Variants in GNB4 observed in about 807,000 individuals in gnomAD.
The protein encoded by GNB4 is G protein subunit beta 4.
Under a neutral mutation model 45.2 loss-of-function variants are expected in GNB4, and 28 were observed. The observed-to-expected ratio is 0.62, with a 90% CI of 0.46 to 0.85. GNB4 has a LOEUF of 0.85. GNB4 is among the 40% of genes least tolerant of loss of function. The probability of loss-of-function intolerance (pLI) is 0.00; values close to 1 mark genes in which losing one functional copy is unlikely to be tolerated. For synonymous variants in GNB4, 132 were observed against 143.7 expected (o/e 0.92, Z 0.58); for missense variants, 321 against 425.4 (o/e 0.75, Z 2.16).
chr3:179,429,830 C>A (rs1307102376), intron 1 of GNB4, among the ~76,000 whole-genome samples: 1 of 152,194 alleles, frequency 6.6e-6, no homozygotes, highest in East Asian at 1.9e-4. Context: ...GGCAACCCTG[C>A]ACAGCTTTGT....
intron 1 of GNB4, among the ~76,000 whole-genome samples, chr3:179,431,329 G>A (rs1403725855): frequency 2.6e-5 from 4 of 152,044 alleles, no homozygotes; most frequent in Non-Finnish European, 2.9e-5. Flanking sequence ...GGCCGAGGCG[G>A]GTGGATCACT....
At chr3:179,481,260 C>T in the GNB4 span, among the ~76,000 whole-genome samples, 1 of 152,128 alleles carries the variant, frequency 6.6e-6, no homozygotes, top group Non-Finnish European at 1.5e-5. Context: ...TCTTATCTTC[C>T]TCCTAGTTTT....
the GNB4 span, among the ~76,000 whole-genome samples, chr3:179,459,335 G>A: frequency 1.3e-5 from 2 of 152,334 alleles, no homozygotes; most frequent in South Asian, 4.1e-4. Flanking sequence ...CAGACATATG[G>A]AGCCAGAACT....
chr3:179,498,417 T>C, the GNB4 span, among the ~76,000 whole-genome samples: 1 of 152,112 alleles, frequency 6.6e-6, no homozygotes, highest in Non-Finnish European at 1.5e-5. Flanking sequence ...TGGGCAAAAA[T>C]AGTTGGTTGA....
chr3:179,419,638 A>G lies in GNB4; in HGVS notation c.97-133T>C, dbSNP rs1054106849. On this transcript the variant is annotated intron_variant, in intron 3 of 9. Coordinates refer to ENST00000232564, the MANE Select transcript of GNB4 (RefSeq NM_021629.4). ...AGTAACTGAAGGTAATTTAATGTAT[A>G]TAATTCCACAGAGCCGTTATGGGAT... 6 of 646,106 alleles carry G rather than the reference A, an allele frequency of 9.3e-6. No homozygotes were observed. The African/African-American group carries it at 1.1e-4, about 12-fold the overall frequency. 40.0% of individuals were successfully genotyped at this position (646,106 alleles called of 1,614,324 possible).
the GNB4 span, among the ~76,000 whole-genome samples, chr3:179,484,462 T>G: frequency 6.6e-6 from 1 of 152,226 alleles, no homozygotes; most frequent in East Asian, 1.9e-4. Flanking sequence ...TTTGAGGCCA[T>G]GCGCACAGCA....
chr3:179,447,095 G>A (rs1715752215), intron 1 of GNB4, among the ~76,000 whole-genome samples: 2 of 152,074 alleles, frequency 1.3e-5, no homozygotes, highest in South Asian at 2.1e-4. Flanking sequence ...GAGGTTAGAG[G>A]GTGACGAGGA....
rs1312395139 is a variant in GNB4, at chr3:179,426,191, G to A, written c.10C>T (p.Leu4=). 6.3e-7 allele frequency: 1 copy of A among 1,597,746 alleles called. No homozygotes were observed. The highest frequency in any genetic ancestry group is 2.2e-5 in the East Asian group (1 of 44,686). Residue 4 remains leucine, a synonymous_variant, in exon 2 of 10, where the codon CTG becomes TTG. Transcript: ENST00000232564. MSE[L]EQLRQEAEQL... is the part of the protein sequence containing the mutation. ...TCTGCTTCTTGCCTCAACTGTTCCA[G>A]TTCGCTCATTTTTTCAATTTGTTTA...
chr3:179,468,035 A>AAAAAAAAAAAAAAATATATATATAT, the GNB4 span, among the ~76,000 whole-genome samples: 3 of 89,852 alleles, frequency 3.3e-5, no homozygotes, highest in Non-Finnish European at 4.8e-5. Flanking sequence ...TGTTGATAAA[A>AAAAAAAAAAAAAAATATATATATAT]ATATATATAT....
At chr3:179,409,832 AC>A (rs112236449) in intron 8 of GNB4, among the ~76,000 whole-genome samples, 58,167 of 146,004 alleles carry the variant, frequency 0.4, 11,710 homozygotes, top group East Asian at 0.55. Flanking sequence ...AAAAAACAAA[AC>A]AAAAAAAAAA....
the GNB4 span, among the ~76,000 whole-genome samples, chr3:179,457,013 G>A: frequency 6.6e-6 from 1 of 152,150 alleles, no homozygotes; most frequent in Non-Finnish European, 1.5e-5. Flanking sequence ...TAGGAGGTAA[G>A]AAAAGATGAA....
At chr3:179,421,115 CAGT>C (rs1402230309) in intron 2 of GNB4, among the ~76,000 whole-genome samples, 188 bp from the exon 3 acceptor site, 1 of 152,072 alleles carries the variant, frequency 6.6e-6, no homozygotes, top group Non-Finnish European at 1.5e-5. Flanking sequence ...GCATGTAATC[CAGT>C]AGTTTTTAGT....
At chr3:179,482,600 G>T in the GNB4 span, among the ~76,000 whole-genome samples, 1 of 152,178 alleles carries the variant, frequency 6.6e-6, no homozygotes, top group East Asian at 1.9e-4. Context: ...TGAGGCTGTA[G>T]TTCCTCTCTA....
the GNB4 span, among the ~76,000 whole-genome samples, chr3:179,488,871 C>G: frequency 6.7e-6 from 1 of 149,822 alleles, no homozygotes; most frequent in Admixed American, 6.7e-5. Flanking sequence ...GTAGTCCCAG[C>G]TACTTGGGCG....
the GNB4 span, among the ~76,000 whole-genome samples, chr3:179,468,035 A>AAAAAAAATATATAT: frequency 3.4e-4 from 31 of 89,866 alleles, 4 homozygotes; most frequent in East Asian, 7.3e-3. Context: ...TGTTGATAAA[A>AAAAAAAATATATAT]ATATATATAT....
the GNB4 span, among the ~76,000 whole-genome samples, chr3:179,457,652 A>T: frequency 6.6e-6 from 1 of 152,194 alleles, no homozygotes; most frequent in African/African-American, 2.4e-5. Flanking sequence ...ATGTGCTCTC[A>T]GATAAAAAGG....
the GNB4 span, among the ~76,000 whole-genome samples, chr3:179,518,120 C>T: frequency 6.6e-6 from 1 of 152,152 alleles, no homozygotes; most frequent in Non-Finnish European, 1.5e-5. Flanking sequence ...TCCCTCTTCT[C>T]CCTTAGCCTG....
chr3:179,519,894 C>T, the GNB4 span, among the ~76,000 whole-genome samples: 1 of 152,178 alleles, frequency 6.6e-6, no homozygotes, highest in African/African-American at 2.4e-5. Context: ...TGTTATCACT[C>T]GCCTGCTACA....
intron 4 of GNB4, among the ~76,000 whole-genome samples, chr3:179,418,210 G>A (rs1714859508): frequency 6.6e-6 from 1 of 151,978 alleles, no homozygotes; most frequent in Admixed American, 6.6e-5. Context: ...GCTCACACCT[G>A]ATTAATCCCA....
Sources: allele counts gnomAD v4.1 joint callset (sites outside exome capture counted in the v4.1 genomes callset), GRCh38; gene constraint gnomAD v4.1.1; transcripts MANE v1.5; gene names NCBI Gene and HGNC (gene_info 2026-07-23, HGNC 2026-07-21).